Variants in FNDC3A observed in about 807,000 individuals in gnomAD.
FNDC3A encodes fibronectin type III domain containing 3A, also known as fibronectin type-III domain-containing protein 3A.
FNDC3A carries 32 observed loss-of-function variants against 148.9 expected under a neutral mutation model. The observed-to-expected ratio is 0.21, with a 90% confidence interval of 0.16 to 0.29. The LOEUF (loss-of-function observed/expected upper bound fraction) is 0.29, where lower values mean the gene tolerates loss of function less well. FNDC3A is among the 10% of genes least tolerant of loss of function. The pLI is 1.00. For missense variants in FNDC3A, 1,191 were observed against 1,452.8 expected (o/e 0.82, Z 2.93); for synonymous variants, 472 against 473.6 (o/e 1.00, Z 0.04).
intron 3 of FNDC3A, among the ~76,000 whole-genome samples, chr13:49,108,086 A>G (rs1430562589): frequency 6.6e-6 from 1 of 152,194 alleles, no homozygotes; most frequent in Non-Finnish European, 1.5e-5. Context: ...TGAAAGTTTG[A>G]TATTTCAAAG....
intron 2 of FNDC3A, among the ~76,000 whole-genome samples, chr13:49,070,881 C>CTTTTTTTTTTTTTTTTTTTTTTTTTT (rs758290861): frequency 1.7e-4 from 21 of 120,960 alleles, no homozygotes; most frequent in Non-Finnish European, 2.4e-4. Context: ...AACAGGATTT[C>CTTTTTTTTTTTTTTTTTTTTTTTTTT]TTTTTTTTTT....
At chr13:49,077,717 C>T (rs1230029208) in intron 3 of FNDC3A, among the ~76,000 whole-genome samples, 1 of 152,110 alleles carries the variant, frequency 6.6e-6, no homozygotes, top group Non-Finnish European at 1.5e-5. Flanking sequence ...TATAGGTGCA[C>T]CAAACCACCA....
chr13:49,079,786 G>T (rs978269273), intron 3 of FNDC3A, among the ~76,000 whole-genome samples: 2 of 152,152 alleles, frequency 1.3e-5, no homozygotes, highest in African/African-American at 4.8e-5. Context: ...AAGAATCACT[G>T]TGGGCCAGAA....
At chr13:49,022,589 A>G (rs1254994445) in intron 2 of FNDC3A, among the ~76,000 whole-genome samples, 1 of 152,136 alleles carries the variant, frequency 6.6e-6, no homozygotes, top group Non-Finnish European at 1.5e-5. Context: ...CTGAGACTGA[A>G]ATAAAGCTTA....
chr13:49,203,012 C>T, intron 24 of FNDC3A, 145 bp from the exon 25 acceptor site: 1 of 609,968 alleles, frequency 1.6e-6, no homozygotes, highest in Non-Finnish European at 2.8e-6. Context: ...TCTTTGGATG[C>T]AAATTTCAAA....
chr13:49,003,923 A>C (rs1475673026), intron 1 of FNDC3A, among the ~76,000 whole-genome samples: 1 of 152,212 alleles, frequency 6.6e-6, no homozygotes, highest in Non-Finnish European at 1.5e-5. Flanking sequence ...ATATATCAAC[A>C]GTGATATGCT....
chr13:48,996,746 C>T (rs1271442729), intron 1 of FNDC3A, among the ~76,000 whole-genome samples: 2 of 152,044 alleles, frequency 1.3e-5, no homozygotes, highest in Non-Finnish European at 2.9e-5. Flanking sequence ...GAATTGGACA[C>T]ATCAAAAAAC....
At chr13:49,156,664 G>A (rs1883712072) in intron 8 of FNDC3A, among the ~76,000 whole-genome samples, 1 of 151,314 alleles carries the variant, frequency 6.6e-6, no homozygotes, top group African/African-American at 2.4e-5. Context: ...GGTACCAGTT[G>A]TTGCTTTCCA....
At chr13:49,174,137 T>A (rs1471751628) in intron 11 of FNDC3A, among the ~76,000 whole-genome samples, 1 of 152,208 alleles carries the variant, frequency 6.6e-6, no homozygotes. Flanking sequence ...GGTAGTCTTC[T>A]ATGGAGATTG....
intron 16 of FNDC3A, among the ~76,000 whole-genome samples, chr13:49,188,285 G>C (rs1885691371): frequency 6.6e-6 from 1 of 152,190 alleles, no homozygotes. Context: ...GCCAAAGTCT[G>C]TACAGAGTTA....
intron 2 of FNDC3A, among the ~76,000 whole-genome samples, chr13:49,018,809 T>A (rs1418541937): frequency 2.0e-5 from 3 of 152,250 alleles, no homozygotes; most frequent in Non-Finnish European, 4.4e-5. Flanking sequence ...TTTGTTAGTT[T>A]TCCTTCTAAC....
At chr13:49,125,088 A>C (rs890220731) in intron 4 of FNDC3A, among the ~76,000 whole-genome samples, 1 of 152,154 alleles carries the variant, frequency 6.6e-6, no homozygotes, top group Middle Eastern at 3.2e-3. Flanking sequence ...GAAAGAAACT[A>C]TATCGACTTT....
intron 10 of FNDC3A, 81 bp downstream of exon 10, chr13:49,168,832 T>C (rs1884615491): frequency 1.5e-6 from 2 of 1,314,094 alleles, no homozygotes; most frequent in Middle Eastern, 1.9e-4. Context: ...CAATTGTTGC[T>C]GGAGACAAAG....
rs192766440 is a variant in FNDC3A, at chr13:49,115,773, T to C, written c.252+1042T>C. ...CTATCTCTACTTTTGTTTAGCACAC[T>C]GACTCCTTAATATAGTCTGCATTCT... is the stretch of plus-strand genomic sequence containing the variant. On this transcript the variant is annotated intron_variant, in intron 4 of 25. Coordinates refer to ENST00000492622, the MANE Select transcript of FNDC3A (RefSeq NM_001079673.2). Among the ~76,000 whole-genome samples, 146 of 152,348 alleles carry C rather than the reference T, an allele frequency of 9.6e-4. 1 individual carries two copies. Among genetic ancestry groups the C allele is most frequent in the African/African-American group, 3.4e-3 (140 of 41,594 alleles).
chr13:49,027,352 A>G (rs1036436512), intron 2 of FNDC3A, among the ~76,000 whole-genome samples: 2 of 152,226 alleles, frequency 1.3e-5, no homozygotes, highest in African/African-American at 2.4e-5. Flanking sequence ...ATGCTTTTCC[A>G]ACGCTGTCTC....
At chr13:49,008,565 C>T (rs1218154032) in intron 2 of FNDC3A, among the ~76,000 whole-genome samples, 1 of 152,138 alleles carries the variant, frequency 6.6e-6, no homozygotes, top group Non-Finnish European at 1.5e-5. Context: ...CTCTTCTACT[C>T]TTGGGATCAA....
intron 1 of FNDC3A, among the ~76,000 whole-genome samples, chr13:48,990,412 T>A (rs1593443128): frequency 2.0e-5 from 3 of 151,758 alleles, no homozygotes; most frequent in Admixed American, 1.3e-4. Flanking sequence ...TTAAAAAAAA[T>A]TATTATTTGA....
intron 1 of FNDC3A, among the ~76,000 whole-genome samples, chr13:48,994,269 T>TA (rs764292767): frequency 2.0e-5 from 3 of 152,202 alleles, no homozygotes; most frequent in Non-Finnish European, 4.4e-5. Flanking sequence ...GGATGGTACT[T>TA]AGATTAAAAG....
chr13:49,000,365 T>C (rs1952104260), intron 1 of FNDC3A, among the ~76,000 whole-genome samples: 1 of 152,214 alleles, frequency 6.6e-6, no homozygotes, highest in African/African-American at 2.4e-5. Context: ...ATCTTGGCAC[T>C]CTCGTTGAAG....
Sources: gnomAD v4.1 joint callset for allele counts (sites outside exome capture counted in the v4.1 genomes callset) on GRCh38, gnomAD v4.1.1 for gene constraint, MANE v1.5 for transcripts, NCBI Gene and HGNC (gene_info 2026-07-23, HGNC 2026-07-21) for gene names.